Variants in GNG12 observed in about 807,000 individuals in gnomAD.
GNG12 encodes guanine nucleotide-binding protein G(I)/G(S)/G(O) subunit gamma-12.
For synonymous variants in GNG12, 28 were observed against 29.7 expected (o/e 0.94, Z 0.19); for missense variants, 69 against 83.8 (o/e 0.82, Z 0.69).
At chr1:67,796,780 G>A (rs1646833704) in intron 1 of GNG12, among the ~76,000 whole-genome samples, 1 of 152,136 alleles carries the variant, frequency 6.6e-6, no homozygotes, top group Non-Finnish European at 1.5e-5. Context: ...AGTAATACTT[G>A]AGGCTGGATA....
chr1:67,713,222 G>C (rs533469330), intron 2 of GNG12, among the ~76,000 whole-genome samples: 6 of 152,308 alleles, frequency 3.9e-5, no homozygotes, highest in Non-Finnish European at 8.8e-5. Flanking sequence ...CCACCCAGAA[G>C]GGCCAAGGCC....
chr1:67,727,338 T>C (rs1646392556), intron 2 of GNG12, among the ~76,000 whole-genome samples: 1 of 152,242 alleles, frequency 6.6e-6, no homozygotes, highest in Non-Finnish European at 1.5e-5. Context: ...AGTCTGTTCT[T>C]GGAATGTTTT....
chr1:67,746,325 TTCTC>T (rs1646507166), intron 2 of GNG12, among the ~76,000 whole-genome samples: 1 of 152,232 alleles, frequency 6.6e-6, no homozygotes, highest in Non-Finnish European at 1.5e-5. Context: ...AAAGAAACGT[TTCTC>T]TTCCATTCTT....
At chr1:67,727,196 C>A (rs562454430) in intron 2 of GNG12, among the ~76,000 whole-genome samples, 1 of 152,218 alleles carries the variant, frequency 6.6e-6, no homozygotes, top group South Asian at 2.1e-4. Flanking sequence ...TATTTAATTG[C>A]AAAGTTAATT....
chr1:67,768,719 A>G (rs535233385), intron 2 of GNG12, among the ~76,000 whole-genome samples: 1 of 152,378 alleles, frequency 6.6e-6, no homozygotes, highest in African/African-American at 2.4e-5. Flanking sequence ...AACCATGTTC[A>G]AAGTGTCTCA....
At chr1:67,720,768 C>T (rs1369351000) in intron 2 of GNG12, among the ~76,000 whole-genome samples, 3 of 152,176 alleles carry the variant, frequency 2.0e-5, no homozygotes, top group Non-Finnish European at 2.9e-5. Flanking sequence ...AAAACTAGGT[C>T]TCCTGGTACT....
intron 1 of GNG12, among the ~76,000 whole-genome samples, chr1:67,810,728 A>G (rs1646919992): frequency 1.3e-5 from 2 of 152,194 alleles, no homozygotes; most frequent in African/African-American, 4.8e-5. Flanking sequence ...TCTACAAGGA[A>G]GGTGAGTGGC....
intron 2 of GNG12, among the ~76,000 whole-genome samples, chr1:67,766,562 T>G (rs1248997807): frequency 2.6e-5 from 4 of 151,758 alleles, no homozygotes; most frequent in Non-Finnish European, 5.9e-5. Context: ...ATCACAGCTA[T>G]GGTTTTGCCA....
intron 2 of GNG12, among the ~76,000 whole-genome samples, chr1:67,750,456 ACGCTTTTTGAG>A (rs1352721976): frequency 6.6e-6 from 1 of 152,216 alleles, no homozygotes; most frequent in East Asian, 1.9e-4. Context: ...AACGAGGTGC[ACGCTTTTTGAG>A]GGCAGAAACA....
At chr1:67,708,622 T>C (rs901400763) in intron 2 of GNG12, among the ~76,000 whole-genome samples, 23 of 152,234 alleles carry the variant, frequency 1.5e-4, no homozygotes, top group South Asian at 1.2e-3. Context: ...GGTTGTCCAA[T>C]AGCACATTTC....
Position 67,818,777 on chromosome 1 carries a change from C to T in GNG12, c.-77+14567G>A, listed in dbSNP as rs550094567. ...TGTGTGGCCGGCATGGTTATGAGTGCTTCACACCTATTAACTCATTTACAT... is the reference window on the plus strand; with the variant it reads ...TGTGTGGCCGGCATGGTTATGAGTGTTTCACACCTATTAACTCATTTACAT... On this transcript the variant is annotated intron_variant, in intron 1 of 3. Coordinates refer to ENST00000370982, the MANE Select transcript of GNG12 (RefSeq NM_018841.6). Among the ~76,000 whole-genome samples the T allele has an allele frequency of 5.3e-5, 8 of 152,236 alleles. No homozygotes were observed. The South Asian group carries it at 1.7e-3, about 32-fold the overall frequency.
chr1:67,702,875 G>T lies in GNG12; in HGVS notation c.*2576C>A. On this transcript the variant is annotated 3_prime_UTR_variant, in exon 4 of 4. Coordinates refer to ENST00000370982, the MANE Select transcript of GNG12 (RefSeq NM_018841.6). The stretch of plus-strand genomic sequence containing the variant: ...TTCATGGAAATGAAGCCAAGAAGTT[G>T]CATGTATATACGTGAGAAAGATTAT... 1 of 152,132 alleles carries T rather than the reference G, an allele frequency of 6.6e-6. No individual in the cohort carries two copies. The highest frequency in any genetic ancestry group is 1.5e-5 in the Non-Finnish European group (1 of 68,018). 9.4% of individuals were successfully genotyped at this position (152,132 alleles called of 1,614,324 possible).
At chr1:67,770,210 G>A (rs12074495) in intron 2 of GNG12, among the ~76,000 whole-genome samples, 2,601 of 152,302 alleles carry the variant, frequency 0.017, 62 homozygotes, top group African/African-American at 0.049. Context: ...TCAGGACGGT[G>A]GAAAGCAATG....
chr1:67,770,887 G>A (rs535845492), intron 2 of GNG12, among the ~76,000 whole-genome samples: 43 of 152,294 alleles, frequency 2.8e-4, no homozygotes, highest in Admixed American at 1.0e-3. Context: ...GCTGGATGGA[G>A]GGAAGTCCTC....
At chr1:67,709,984 A>AGTTATATATATAGTTATATATATG in intron 2 of GNG12, among the ~76,000 whole-genome samples, 2 of 27,894 alleles carry the variant, frequency 7.2e-5, no homozygotes, top group Non-Finnish European at 1.3e-4. Flanking sequence ...TTATATATAT[A>AGTTATATATATAGTTATATATATG]TAGTTATATA....
rs1254426742 is a variant in GNG12, at chr1:67,704,303, T to C, written c.*1148A>G. On this transcript the variant is annotated 3_prime_UTR_variant, in exon 4 of 4. Coordinates refer to ENST00000370982, the MANE Select transcript of GNG12 (RefSeq NM_018841.6). ...CAGATGTCTGAAAAGAGCTTAAGCATCCTGACAGCTTGCATTTTTTTTTTA... is the reference window on the plus strand; with the variant it reads ...CAGATGTCTGAAAAGAGCTTAAGCACCCTGACAGCTTGCATTTTTTTTTTA... 6.6e-6 allele frequency: 1 copy of C among 152,202 alleles called. No individual in the cohort carries two copies. The highest frequency in any genetic ancestry group is 1.5e-5 in the Non-Finnish European group (1 of 68,036). 9.4% of individuals were successfully genotyped at this position (152,202 alleles called of 1,614,324 possible). A position where few individuals can be genotyped will look rare whatever the true frequency, so the allele number is the denominator to read the frequency against.
rs563582356 is a variant in GNG12 at position 67,771,321 on chromosome 1, T to C, written c.-27+6137A>G. Among the ~76,000 whole-genome samples the C allele has an allele frequency of 6.2e-4, 95 of 152,308 alleles. 1 individual carries two copies. Among genetic ancestry groups the C allele is most frequent in the African/African-American group, 2.2e-3 (90 of 41,566 alleles). ...TACCTCATTCAGTCCCTCTAACAAC[T>C]CCTTGAGGCGGATATTTGACAGATA... On this transcript the variant is annotated intron_variant, in intron 2 of 3. Coordinates refer to ENST00000370982, the MANE Select transcript of GNG12 (RefSeq NM_018841.6).
intron 2 of GNG12, among the ~76,000 whole-genome samples, chr1:67,709,507 G>T (rs529017561): frequency 6.6e-6 from 1 of 152,208 alleles, no homozygotes; most frequent in East Asian, 1.9e-4. Flanking sequence ...TAGCAGTACA[G>T]AAAACTAGGA....
rs181645457 is a variant in GNG12 at position 67,704,054 on chromosome 1, A to C, written c.*1397T>G. 6 of 152,382 alleles carry C rather than the reference A, an allele frequency of 3.9e-5. No homozygotes were observed. The highest frequency in any genetic ancestry group is 1.4e-4 in the African/African-American group (6 of 41,600). 9.4% of individuals were successfully genotyped at this position (152,382 alleles called of 1,614,324 possible). On this transcript the variant is annotated 3_prime_UTR_variant, in exon 4 of 4. Transcript: ENST00000370982. ...CCCTCTCTTCTACTTTGATAAAGTC[A>C]AGATACCTTATTGGCCATAGGAGAT...
Sources: gnomAD v4.1 joint callset for allele counts (sites outside exome capture counted in the v4.1 genomes callset) on GRCh38, gnomAD v4.1.1 for gene constraint, MANE v1.5 for transcripts, NCBI Gene and HGNC (gene_info 2026-07-23, HGNC 2026-07-21) for gene names.